The following PCDH15 variants were observed in gnomAD, a reference collection of about 807,000 sequenced individuals.
PCDH15 encodes the protein protocadherin related 15, also known as protocadherin-15.
PCDH15 carries 129 observed loss-of-function variants against 178.5 expected under a neutral mutation model. The observed-to-expected ratio is 0.72, with a 90% CI of 0.63 to 0.84. The LOEUF is 0.84. PCDH15 is among the 40% of genes least tolerant of loss of function. The probability of loss-of-function intolerance (pLI) is 0.00; values close to 1 mark genes in which losing one functional copy is unlikely to be tolerated. For missense variants in PCDH15, 2,230 were observed against 2,099.9 expected, an observed-to-expected ratio of 1.06 and a Z score of -1.21; for synonymous variants, 800 against 732.0, an observed-to-expected ratio of 1.09 and a Z score of -1.50.
intron 2 of PCDH15, among the ~76,000 whole-genome samples, chr10:55,524,231 G>T (rs1841251767): frequency 6.6e-6 from 1 of 151,444 alleles, no homozygotes; most frequent in Non-Finnish European, 1.5e-5. Flanking sequence ...TTTACTTTGT[G>T]GGCACTATTC....
At chr10:54,637,573 G>A (rs1029574396) in intron 2 of PCDH15, among the ~76,000 whole-genome samples, 1 of 152,020 alleles carries the variant, frequency 6.6e-6, no homozygotes, top group East Asian at 1.9e-4. Flanking sequence ...CAGACTTTGA[G>A]CTTATCTGCT....
At chr10:53,860,915 TA>T (rs1357278888) in intron 27 of PCDH15, among the ~76,000 whole-genome samples, 1 of 152,098 alleles carries the variant, frequency 6.6e-6, no homozygotes, top group Admixed American at 6.6e-5. Context: ...AAAAAACATT[TA>T]ATTCTGATAA....
intron 3 of PCDH15, among the ~76,000 whole-genome samples, chr10:54,836,619 CA>C (rs576496797): frequency 1.5e-3 from 234 of 151,724 alleles, no homozygotes; most frequent in Non-Finnish European, 2.4e-3. Context: ...ATCTAGTTCA[CA>C]AAAAATTAGC....
At chr10:54,906,371 C>T (rs940014276) in intron 2 of PCDH15, among the ~76,000 whole-genome samples, 1 of 151,828 alleles carries the variant, frequency 6.6e-6, no homozygotes, top group African/African-American at 2.4e-5. Context: ...ATTTAAATTG[C>T]AACAATTTAA....
intron 15 of PCDH15, among the ~76,000 whole-genome samples, chr10:54,093,503 C>A (rs1029345938): frequency 6.6e-6 from 1 of 152,042 alleles, no homozygotes; most frequent in African/African-American, 2.4e-5. Context: ...GAGAAATAAT[C>A]CATAAAAAGA....
At chr10:55,614,957 T>C (rs1363236349) in intron 2 of PCDH15, among the ~76,000 whole-genome samples, 1 of 152,138 alleles carries the variant, frequency 6.6e-6, no homozygotes, top group East Asian at 1.9e-4. Flanking sequence ...TAATTTTCCT[T>C]TTATAGGAAG....
intron 2 of PCDH15, among the ~76,000 whole-genome samples, chr10:55,413,522 A>G (rs1185181193): frequency 6.6e-6 from 1 of 151,732 alleles, no homozygotes; most frequent in Non-Finnish European, 1.5e-5. Flanking sequence ...ATAGAAGGGG[A>G]CTTATACTAG....
intron 32 of PCDH15, chr10:53,821,604 ATTAC>A (rs559266964): frequency 2.5e-6 from 3 of 1,210,190 alleles, no homozygotes; most frequent in African/African-American, 1.5e-5. Context: ...AGAGATTAAA[ATTAC>A]TTACTTTTCA....
At chr10:53,832,321 T>A (rs2077061640) in intron 29 of PCDH15, among the ~76,000 whole-genome samples, 1 of 152,030 alleles carries the variant, frequency 6.6e-6, no homozygotes, top group African/African-American at 2.4e-5. Context: ...ATTGAAAAAA[T>A]TTGTTATGTA....
At chr10:54,413,348 G>A (rs941732054) in intron 3 of PCDH15, among the ~76,000 whole-genome samples, 1 of 152,104 alleles carries the variant, frequency 6.6e-6, no homozygotes, top group Non-Finnish European at 1.5e-5. Flanking sequence ...TTGATCAAAG[G>A]TCATCTGAGT....
chr10:54,525,612 C>G (rs1338371250), intron 3 of PCDH15, among the ~76,000 whole-genome samples: 1 of 152,112 alleles, frequency 6.6e-6, no homozygotes, highest in Admixed American at 6.5e-5. Flanking sequence ...GTGTGTGCCA[C>G]CACACCTGGC....
chr10:54,345,563 G>A (rs1487258036), intron 6 of PCDH15, among the ~76,000 whole-genome samples: 1 of 151,748 alleles, frequency 6.6e-6, no homozygotes, highest in Non-Finnish European at 1.5e-5. Context: ...TACTTTGTCT[G>A]TTTTTTTGAA....
In PCDH15 at chr10:53,831,301, C is replaced by A; in HGVS notation, c.4202+14G>T. ...CTGAGGAACTATCCAGGTTTACCAT[C>A]CTTGAATACTTACTGTCTGTAGCTG... On this transcript the variant is annotated intron_variant, in intron 30 of 37. Coordinates refer to ENST00000644397, the MANE Select transcript of PCDH15 (RefSeq NM_001384140.1). 1 of 1,612,412 alleles carries A rather than the reference C, an allele frequency of 6.2e-7. No individual in the cohort carries two copies. The highest frequency in any genetic ancestry group is 8.5e-7 in the Non-Finnish European group (1 of 1,178,438).
rs576794786 is a variant in PCDH15 at position 55,277,323 on chromosome 10, A to G, written c.-156+42276T>C. ...TGATTAGTATATTAACTGTATATTA[A>G]TTTAAAAGTATACTCCCTTAAAAAT... On this transcript the variant is annotated intron_variant, in intron 1 of 5. Coordinates refer to the PCDH15 transcript ENST00000458638. Among the ~76,000 whole-genome samples the G allele has an allele frequency of 1.5e-4, 23 of 152,148 alleles. No homozygotes were observed. The South Asian group carries it at 4.6e-3, about 30-fold the overall frequency.
In PCDH15 at chr10:54,609,529, T is replaced by C. The variant is rs899246710; in HGVS notation, c.91+54643A>G. ...CTTAAGAATCATAGCTTGCAATCTA[T>C]GGTGCTTCAATGAAGAATAATCTGT... On this transcript the variant is annotated intron_variant, in intron 2 of 37. Coordinates refer to ENST00000644397, the MANE Select transcript of PCDH15 (RefSeq NM_001384140.1). Among the ~76,000 whole-genome samples the C allele has an allele frequency of 3.9e-5, 6 of 152,164 alleles. No individual in the cohort carries two copies. In the South Asian group the frequency reaches 1.2e-3, roughly 32 times the overall value.
chr10:54,051,568 G>T (rs1022375808), intron 18 of PCDH15, among the ~76,000 whole-genome samples: 3 of 151,994 alleles, frequency 2.0e-5, no homozygotes, highest in African/African-American at 7.2e-5. Context: ...ATTATTTAAG[G>T]TATCTTGTGG....
intron 2 of PCDH15, among the ~76,000 whole-genome samples, chr10:55,476,512 G>GA (rs1473192885): frequency 2.6e-5 from 4 of 151,914 alleles, no homozygotes; most frequent in African/African-American, 7.2e-5. Context: ...AAATGGAATG[G>GA]AAAAAAATGT....
chr10:54,447,683 G>C (rs1473437190), intron 3 of PCDH15, among the ~76,000 whole-genome samples: 1 of 151,616 alleles, frequency 6.6e-6, no homozygotes. Context: ...AGGGTCAAAT[G>C]GTAGTAATAG....
intron 26 of PCDH15, among the ~76,000 whole-genome samples, chr10:53,893,181 GAA>G (rs538795843): frequency 6.8e-6 from 1 of 148,012 alleles, no homozygotes. Context: ...AGTTGTTCAG[GAA>G]AAAAAAAATC....
Sources: allele counts gnomAD v4.1 joint callset (sites outside exome capture counted in the v4.1 genomes callset), GRCh38; gene constraint gnomAD v4.1.1; transcripts MANE v1.5; gene names NCBI Gene and HGNC (gene_info 2026-07-23, HGNC 2026-07-21).